Variants in RFX2 observed in about 807,000 individuals in gnomAD.
RFX2 encodes the protein regulatory factor X2, also known as DNA-binding protein RFX2.
In RFX2, 20 loss-of-function variants were observed where a neutral mutation model predicts 87.8. That is an observed-to-expected ratio of 0.23 (90% CI 0.16 to 0.33). The LOEUF is 0.33. Ranked by LOEUF, RFX2 falls within the 10% of genes least tolerant of loss-of-function variation. RFX2 has a pLI of 1.00. For synonymous variants in RFX2, 397 were observed against 431.3 expected, an observed-to-expected ratio of 0.92 and a Z score of 0.98; for missense variants, 767 against 1,012.3, an observed-to-expected ratio of 0.76 and a Z score of 3.29.
chr19:6,073,003 A>G, intron 1 of RFX2: 2 of 551,832 alleles, frequency 3.6e-6, no homozygotes, highest in Non-Finnish European at 6.6e-6. Flanking sequence ...TTTTTGAGAC[A>G]GAGTCTCACT....
chr19:6,004,077 T>C lies in RFX2; in HGVS notation c.1500+124A>G. 1 of 753,748 alleles carries C rather than the reference T, an allele frequency of 1.3e-6. No individual in the cohort carries two copies. Among genetic ancestry groups the C allele is most frequent in the Non-Finnish European group, 2.4e-6 (1 of 422,154 alleles). The allele number at this position is 753,748 out of a possible 1,614,324, so 46.7% of individuals were successfully genotyped here. A position where few individuals can be genotyped will look rare whatever the true frequency, so the allele number is the denominator to read the frequency against. On this transcript the variant is annotated intron_variant, in intron 13 of 17. Transcript: ENST00000303657. The surrounding 1 kb of genome is among the most constrained non-coding windows in gnomAD (Gnocchi z 4.8). ...GTGTGCTCAGGGCTTCCTGAAGGGA[T>C]CGGTTACTCTCATGACGCAGGGAAG...
At position 6,047,486 on chromosome 19, in the gene RFX2, G is replaced by T. The variant is rs781080292; in HGVS notation, c.11C>A (p.Ser4Tyr). ...CGCTGGCGAATCCGCTCCACCCTCG[G>T]AATTCTGCATGCTCAGGTCTAAAGA... Reference protein sequence around the residue: MQNSEGGADSPASV... With the variant: MQNYEGGADSPASV... Residue 4 changes from serine (S) to tyrosine (Y), a missense_variant, in exon 2 of 18, where the codon TCC becomes TAC. Physicochemically the swap from Ser to Tyr is moderately radical, Grantham distance 144. Coordinates refer to ENST00000303657, the MANE Select transcript of RFX2 (RefSeq NM_000635.4). This position sits in a 1 kb window ranked among gnomAD's most constrained non-coding sequence, Gnocchi z 4.2. 5.6e-6 allele frequency: 9 copies of T among 1,608,672 alleles called. 1 individual carries two copies. The African/African-American group carries it at 6.7e-5, about 12-fold the overall frequency.
Position 6,039,931 on chromosome 19 carries a change from C to T in RFX2, c.522+49G>A, listed in dbSNP as rs770520778. 14 of 1,483,904 alleles carry T rather than the reference C, an allele frequency of 9.4e-6. No homozygotes were observed. Among genetic ancestry groups the T allele is most frequent in the Admixed American group, 4.3e-5 (2 of 46,600 alleles). The allele number at this position is 1,483,904 out of a possible 1,614,324, so 91.9% of individuals were successfully genotyped here. A position where few individuals can be genotyped will look rare whatever the true frequency, so the allele number is the denominator to read the frequency against. On this transcript the variant is annotated intron_variant, in intron 5 of 17. Coordinates refer to ENST00000303657, the MANE Select transcript of RFX2 (RefSeq NM_000635.4). This position sits in a 1 kb window ranked among gnomAD's most constrained non-coding sequence, Gnocchi z 5.2. The stretch of plus-strand genomic sequence containing the variant: ...CTCACCATCCCTGCTGCCGCTGCTT[C>T]GAGAATACTCATGGCCTACCCTGCT...
chr19:6,042,531 G>A (rs913149499), intron 3 of RFX2, among the ~76,000 whole-genome samples: 2 of 151,706 alleles, frequency 1.3e-5, no homozygotes, highest in Admixed American at 6.6e-5. Flanking sequence ...GTTTTTTTGC[G>A]ACAGGGTCTC....
intron 1 of RFX2, among the ~76,000 whole-genome samples, chr19:6,066,680 G>T (rs533022381): frequency 6.6e-6 from 1 of 152,328 alleles, no homozygotes; most frequent in East Asian, 1.9e-4. Flanking sequence ...ATCCATGTCT[G>T]CCTGTTGTGG....
chr19:6,003,778 C>G (rs371696454), intron 13 of RFX2, among the ~76,000 whole-genome samples: 317 of 42,000 alleles, frequency 7.5e-3, no homozygotes, highest in Middle Eastern at 0.038. Flanking sequence ...GACTCTGTCT[C>G]AAAAAAAAAA....
At position 6,008,229 on chromosome 19, in the gene RFX2, G is replaced by T; in HGVS notation, c.1016-5C>A. The T allele has an allele frequency of 6.5e-7, 1 of 1,540,206 alleles. No homozygotes were observed. The highest frequency in any genetic ancestry group is 2.3e-5 in the East Asian group (1 of 43,106). On this transcript the variant is annotated splice_region_variant and splice_polypyrimidine_tract_variant and intron_variant, in intron 9 of 17. Coordinates refer to ENST00000303657, the MANE Select transcript of RFX2 (RefSeq NM_000635.4). Reference sequence around the variant, plus strand: ...CGGGGAAGACGTGGGAGACATCTGGGGGAGGAACACGGGAACATCAGAAAT... The same window carrying T: ...CGGGGAAGACGTGGGAGACATCTGGTGGAGGAACACGGGAACATCAGAAAT...
At chr19:6,052,863 A>G (rs2087284237) in intron 1 of RFX2, among the ~76,000 whole-genome samples, 1 of 152,218 alleles carries the variant, frequency 6.6e-6, no homozygotes, top group South Asian at 2.1e-4. Context: ...AACACTTTGT[A>G]TCAAAATTTG....
intron 16 of RFX2, among the ~76,000 whole-genome samples, chr19:5,996,630 G>C: frequency 6.6e-6 from 1 of 152,278 alleles, no homozygotes; most frequent in Non-Finnish European, 1.5e-5. Context: ...AGAGGTGCCA[G>C]CTGCACGTTG....
intron 1 of RFX2, among the ~76,000 whole-genome samples, chr19:6,065,840 G>A (rs568924990): frequency 2.0e-5 from 3 of 152,256 alleles, no homozygotes; most frequent in South Asian, 2.1e-4. Flanking sequence ...GTTTTAGTGA[G>A]GGGCTGGAGT....
At position 6,027,958 on chromosome 19, in the gene RFX2, C is replaced by T. The variant is rs1356027710; in HGVS notation, c.523-1721G>A. Among the ~76,000 whole-genome samples, 1 of 152,240 alleles carries T rather than the reference C, an allele frequency of 6.6e-6. No homozygotes were observed. The highest frequency in any genetic ancestry group is 1.5e-5 in the Non-Finnish European group (1 of 68,026). Reference sequence around the variant, plus strand: ...GTATTTTTTAGCAGAGACGGGATTTCTCTACGTTGGCCAAGCTGGTCTTGA... The same window carrying T: ...GTATTTTTTAGCAGAGACGGGATTTTTCTACGTTGGCCAAGCTGGTCTTGA... On this transcript the variant is annotated intron_variant, in intron 5 of 17. Transcript: ENST00000303657. The surrounding 1 kb of genome is among the most constrained non-coding windows in gnomAD (Gnocchi z 5.0).
chr19:6,094,454 G>A (rs2087992452), intron 1 of RFX2, among the ~76,000 whole-genome samples: 1 of 152,160 alleles, frequency 6.6e-6, no homozygotes, highest in Non-Finnish European at 1.5e-5. Context: ...CAACGCTGAG[G>A]TCAGGTGGAC....
At position 6,050,313 on chromosome 19, in the gene RFX2, G is replaced by T. The variant is rs1281005023; in HGVS notation, c.-8-2809C>A. The stretch of plus-strand genomic sequence containing the variant: ...AAACCATGAGCTATGAAAAGAAACA[G>T]GAAAGTGTAACATACACTCAAAAGA... On this transcript the variant is annotated intron_variant, in intron 1 of 17. Coordinates refer to ENST00000303657, the MANE Select transcript of RFX2 (RefSeq NM_000635.4). This position sits in a 1 kb window ranked among gnomAD's most constrained non-coding sequence, Gnocchi z 4.6. Among the ~76,000 whole-genome samples, 1 of 151,534 alleles carries T rather than the reference G, an allele frequency of 6.6e-6. No homozygotes were observed. Among genetic ancestry groups the T allele is most frequent in the African/African-American group, 2.4e-5 (1 of 41,204 alleles).
At chr19:6,095,360 C>T (rs189124737) in intron 1 of RFX2, among the ~76,000 whole-genome samples, 3 of 152,142 alleles carry the variant, frequency 2.0e-5, no homozygotes, top group Admixed American at 1.3e-4. Flanking sequence ...GTAATTTTGA[C>T]AAATAATTAC....
At position 6,013,232 on chromosome 19, in the gene RFX2, C is replaced by T; in HGVS notation, c.780-127G>A. On this transcript the variant is annotated intron_variant, in intron 7 of 17. Transcript: ENST00000303657. The surrounding 1 kb of genome is among the most constrained non-coding windows in gnomAD (Gnocchi z 4.1). ...ACAGAATCTCATTCTGTCGCCCAGG[C>T]TGGAGTACAGCAGTGCCATCTCGGC... 2 of 993,342 alleles carry T rather than the reference C, an allele frequency of 2.0e-6. No individual in the cohort carries two copies. Among genetic ancestry groups the T allele is most frequent in the Non-Finnish European group, 2.8e-6 (2 of 712,662 alleles). The allele number at this position is 993,342 out of a possible 1,614,324, so 61.5% of individuals were successfully genotyped here. A position where few individuals can be genotyped will look rare whatever the true frequency, so the allele number is the denominator to read the frequency against.
intron 1 of RFX2, among the ~76,000 whole-genome samples, chr19:6,060,144 T>C (rs907323838): frequency 2.6e-5 from 4 of 152,288 alleles, no homozygotes; most frequent in African/African-American, 9.6e-5. Context: ...CCATGCTGTC[T>C]CTTCCACTTC....
At position 6,026,332 on chromosome 19, in the gene RFX2, A is replaced by C; in HGVS notation, c.523-95T>G. On this transcript the variant is annotated intron_variant, in intron 5 of 17. Transcript: ENST00000303657. The surrounding 1 kb of genome is among the most constrained non-coding windows in gnomAD (Gnocchi z 4.5). Reference sequence around the variant, plus strand: ...GCATCAGCCAAGATTTGTTTTTATTAATATCCAAATAATGATTCGAGCTCC... The same window carrying C: ...GCATCAGCCAAGATTTGTTTTTATTCATATCCAAATAATGATTCGAGCTCC... The C allele has an allele frequency of 9.9e-7, 1 of 1,005,812 alleles. No homozygotes were observed. Among genetic ancestry groups the C allele is most frequent in the Non-Finnish European group, 1.5e-6 (1 of 656,220 alleles). The allele number at this position is 1,005,812 out of a possible 1,614,324, so 62.3% of individuals were successfully genotyped here.
chr19:6,034,982 T>A (rs2087002310), intron 5 of RFX2, among the ~76,000 whole-genome samples: 1 of 152,222 alleles, frequency 6.6e-6, no homozygotes. Context: ...ATTTAGCTTG[T>A]TAAACTAATA....
rs1420821328 is a variant in RFX2, at chr19:6,063,114, G to A, written c.-8-15610C>T. Among the ~76,000 whole-genome samples the A allele has an allele frequency of 6.6e-6, 1 of 152,074 alleles. No homozygotes were observed. Among genetic ancestry groups the A allele is most frequent in the African/African-American group, 2.4e-5 (1 of 41,388 alleles). On this transcript the variant is annotated intron_variant, in intron 1 of 17. Transcript: ENST00000303657. The surrounding 1 kb of genome is among the most constrained non-coding windows in gnomAD (Gnocchi z 4.0). ...GCTCCTAGGCCGCCTTCTCCCTCAT[G>A]CATCCAGCTACTTGGTTTGAAACTC...
Sources: gnomAD v4.1 joint callset for allele counts (sites outside exome capture counted in the v4.1 genomes callset) on GRCh38, gnomAD v4.1.1 for gene constraint, Gnocchi (gnomAD v3.1) non-coding constraint, MANE v1.5 for transcripts, NCBI Gene and HGNC (gene_info 2026-07-23, HGNC 2026-07-21) for gene names.